Variants in DENND1A observed in about 807,000 individuals in gnomAD.
DENND1A encodes DENN domain containing 1A, also known as DENN domain-containing protein 1A.
DENND1A carries 51 observed loss-of-function variants against 113.7 expected under a neutral mutation model. That is an observed-to-expected ratio of 0.45 (90% CI 0.36 to 0.57). The LOEUF (loss-of-function observed/expected upper bound fraction) is 0.57. Among genes scored for constraint, DENND1A ranks in the 20% least tolerant of loss-of-function variants. The pLI is 0.00. For synonymous variants in DENND1A, 565 were observed against 570.8 expected, an observed-to-expected ratio of 0.99 and a Z score of 0.14; for missense variants, 1,258 against 1,395.9, an observed-to-expected ratio of 0.90 and a Z score of 1.57.
chr9:123,682,771 C>T (rs192927261), intron 5 of DENND1A, among the ~76,000 whole-genome samples: 29 of 152,264 alleles, frequency 1.9e-4, no homozygotes, highest in South Asian at 4.1e-4. Context: ...TGCTAATGTA[C>T]CTGATGGACA....
chr9:123,514,634 C>T (rs1437113165), intron 13 of DENND1A, among the ~76,000 whole-genome samples: 1 of 152,074 alleles, frequency 6.6e-6, no homozygotes, highest in Non-Finnish European at 1.5e-5. Context: ...AAAGTAGTCA[C>T]AGATATGTAA....
chr9:123,829,495 G>A lies in DENND1A; in HGVS notation c.89-36865C>T, dbSNP rs1384721064. ...AACCACAACAGATAATGCCTTAAGA[G>A]AAACAGAAGGTAAAAGGAGATAAAT... is the stretch of plus-strand genomic sequence containing the variant. On this transcript the variant is annotated intron_variant, in intron 2 of 23. Transcript: ENST00000394215. Among the ~76,000 whole-genome samples, 8 of 151,910 alleles carry A rather than the reference G, an allele frequency of 5.3e-5. No homozygotes were observed. The South Asian group carries it at 1.0e-3, about 20-fold the overall frequency.
At chr9:123,631,125 A>T (rs944998404) in intron 9 of DENND1A, among the ~76,000 whole-genome samples, 1 of 152,166 alleles carries the variant, frequency 6.6e-6, no homozygotes, top group East Asian at 1.9e-4. Context: ...TAATAAATAC[A>T]TATCTCATAA....
chr9:123,758,680 TA>T (rs1471176743), intron 4 of DENND1A, among the ~76,000 whole-genome samples: 5 of 152,146 alleles, frequency 3.3e-5, no homozygotes, highest in Non-Finnish European at 5.9e-5. Flanking sequence ...AGAAAGACGT[TA>T]AAGGAAAAAA....
intron 5 of DENND1A, among the ~76,000 whole-genome samples, chr9:123,752,487 G>A (rs2070140527): frequency 1.3e-5 from 2 of 152,166 alleles, no homozygotes. Context: ...GATCCCAATG[G>A]AAGCAGGAGA....
intron 2 of DENND1A, among the ~76,000 whole-genome samples, chr9:123,842,469 GA>G (rs951794756): frequency 2.4e-3 from 345 of 145,208 alleles, no homozygotes; most frequent in Admixed American, 0.01. Flanking sequence ...TGGTTTAGCA[GA>G]AAAAAAAAAG....
intron 5 of DENND1A, among the ~76,000 whole-genome samples, chr9:123,704,307 C>T (rs2140758775): frequency 6.6e-6 from 1 of 152,268 alleles, no homozygotes; most frequent in Admixed American, 6.5e-5. Context: ...CTCTTAAGTA[C>T]ACAACAGCCT....
Position 123,536,477 on chromosome 9 carries a change from A to AG in DENND1A, c.993+21092_993+21093insC, listed in dbSNP as rs1243094897. 7.8e-4 allele frequency among the ~76,000 whole-genome samples: 118 copies of AG among 151,956 alleles called. 1 individual carries two copies. The highest frequency in any genetic ancestry group is 2.7e-3 in the African/African-American group (114 of 41,456). Reference sequence around the variant, plus strand: ...CAAAACTCTGTCTCCAAAAAAAAAAAAAAAAGAAAAAGAAAAGCTGTCAGC... The same window carrying AG: ...CAAAACTCTGTCTCCAAAAAAAAAAAGAAAAAGAAAAAGAAAAGCTGTCAGC... On this transcript the variant is annotated intron_variant, in intron 13 of 23. Transcript: ENST00000394215.
chr9:123,926,605 A>G (rs1000205019), intron 1 of DENND1A, among the ~76,000 whole-genome samples: 3 of 151,316 alleles, frequency 2.0e-5, no homozygotes, highest in Non-Finnish European at 4.4e-5. Flanking sequence ...ATAATCTAGT[A>G]AAAGGCCTGC....
At chr9:123,463,633 G>A (rs2048707834) in intron 13 of DENND1A, among the ~76,000 whole-genome samples, 1 of 152,164 alleles carries the variant, frequency 6.6e-6, no homozygotes, top group South Asian at 2.1e-4. Context: ...ATGTCGGCCA[G>A]GAGTAGTGGT....
At chr9:123,477,390 A>ATTTT (rs760921029) in intron 13 of DENND1A, among the ~76,000 whole-genome samples, 2 of 145,170 alleles carry the variant, frequency 1.4e-5, no homozygotes, top group East Asian at 2.0e-4. Flanking sequence ...ATCTCTATAA[A>ATTTT]TTTTTTTTTT....
chr9:123,398,794 GC>G (rs2043273173), intron 21 of DENND1A, among the ~76,000 whole-genome samples: 2 of 146,710 alleles, frequency 1.4e-5, no homozygotes, highest in Admixed American at 1.4e-4. Context: ...CCACCACACA[GC>G]ATTTTTTTTT....
intron 13 of DENND1A, among the ~76,000 whole-genome samples, chr9:123,465,792 T>C (rs2048897119): frequency 6.6e-6 from 1 of 152,230 alleles, no homozygotes; most frequent in Non-Finnish European, 1.5e-5. Context: ...TACTATTTAA[T>C]GTCATTATAA....
At chr9:123,470,118 CT>C (rs2133332673) in intron 13 of DENND1A, among the ~76,000 whole-genome samples, 1 of 152,288 alleles carries the variant, frequency 6.6e-6, no homozygotes, top group African/African-American at 2.4e-5. Context: ...GCCATCTCGG[CT>C]CTTGGAGCCT....
chr9:123,570,529 T>C (rs1207452807), intron 12 of DENND1A, among the ~76,000 whole-genome samples: 1 of 152,022 alleles, frequency 6.6e-6, no homozygotes, highest in South Asian at 2.1e-4. Context: ...ACTGGAGAAG[T>C]GGGGGCAAGA....
At chr9:123,532,282 A>T (rs2055384339) in intron 13 of DENND1A, among the ~76,000 whole-genome samples, 1 of 152,244 alleles carries the variant, frequency 6.6e-6, no homozygotes. Flanking sequence ...TAGAAAATTA[A>T]CATTGATACA....
intron 10 of DENND1A, among the ~76,000 whole-genome samples, chr9:123,615,406 G>C (rs1224576600): frequency 6.6e-6 from 1 of 152,238 alleles, no homozygotes; most frequent in Admixed American, 6.5e-5. Context: ...CATTCCCACA[G>C]CCTGCAGAGG....
At chr9:123,402,057 G>A (rs2131295227) in intron 21 of DENND1A, 1 of 1,145,376 alleles carries the variant, frequency 8.7e-7, no homozygotes, top group Non-Finnish European at 1.3e-6. Flanking sequence ...CCCTTAAGGA[G>A]GAATCTTTAG....
chr9:123,859,587 T>C (rs1844767830), intron 2 of DENND1A, among the ~76,000 whole-genome samples: 1 of 152,036 alleles, frequency 6.6e-6, no homozygotes, highest in African/African-American at 2.4e-5. Flanking sequence ...CATCCAAATA[T>C]TCATCAAGCA....
Sources: allele counts gnomAD v4.1 joint callset (sites outside exome capture counted in the v4.1 genomes callset), GRCh38; gene constraint gnomAD v4.1.1; transcripts MANE v1.5; gene names NCBI Gene and HGNC (gene_info 2026-07-23, HGNC 2026-07-21).